Variants in LRRC37A2 observed in about 807,000 individuals in gnomAD.
LRRC37A2 encodes leucine rich repeat containing 37 member A2.
In LRRC37A2, 9 loss-of-function variants were observed where a neutral mutation model predicts 68.8. The observed-to-expected ratio is 0.13, with a 90% CI of 0.08 to 0.23. The LOEUF (loss-of-function observed/expected upper bound fraction) is 0.23, where lower values mean the gene tolerates loss of function less well. LRRC37A2 is among the 10% of genes least tolerant of loss of function. The probability of loss-of-function intolerance (pLI) is 1.00; values close to 1 mark genes in which losing one functional copy is unlikely to be tolerated. For synonymous variants in LRRC37A2, 63 were observed against 367.6 expected, an observed-to-expected ratio of 0.17 and a Z score of 9.48; for missense variants, 168 against 950.4, an observed-to-expected ratio of 0.18 and a Z score of 10.82.
At chr17:46,976,173 G>A in the LRRC37A2 span, among the ~76,000 whole-genome samples, 3 of 151,460 alleles carry the variant, frequency 2.0e-5, no homozygotes, top group Non-Finnish European at 2.9e-5. Flanking sequence ...TGATCTGCCC[G>A]CCTCGGCCTC....
chr17:46,818,806 C>G, the LRRC37A2 span: 1 of 624,778 alleles, frequency 1.6e-6, no homozygotes, highest in African/African-American at 1.8e-5. Flanking sequence ...CGCCCGCGGC[C>G]TAAGGTAAGA....
At chr17:46,744,370 A>G in the LRRC37A2 span, among the ~76,000 whole-genome samples, 1 of 152,232 alleles carries the variant, frequency 6.6e-6, no homozygotes, top group African/African-American at 2.4e-5. Flanking sequence ...TAAGCAGAAA[A>G]TAAAGTTTAA....
At chr17:46,462,731 A>G in the LRRC37A2 span, among the ~76,000 whole-genome samples, 1 of 96,936 alleles carries the variant, frequency 1.0e-5, no homozygotes, top group African/African-American at 3.5e-5. Flanking sequence ...ATAAAATGCA[A>G]TTCCTACCTC....
At chr17:46,728,975 T>G in the LRRC37A2 span, 1 of 1,224,534 alleles carries the variant, frequency 8.2e-7, no homozygotes, top group Non-Finnish European at 1.2e-6. Context: ...TAACAAAGAG[T>G]TTTTCAGTAA....
At chr17:46,490,403 A>T in the LRRC37A2 span, among the ~76,000 whole-genome samples, 19 of 151,164 alleles carry the variant, frequency 1.3e-4, no homozygotes, top group Non-Finnish European at 2.1e-4. Context: ...ACTTTCATAA[A>T]TAATGCTTCT....
chr17:46,539,768 C>CAAAAAAAAAAAAAAAA (rs1204528686), intron 6 of LRRC37A2, among the ~76,000 whole-genome samples: 1 of 67,026 alleles, frequency 1.5e-5, no homozygotes. Flanking sequence ...GACTCCATCT[C>CAAAAAAAAAAAAAAAA]AAAAAAAAAA....
the LRRC37A2 span, among the ~76,000 whole-genome samples, chr17:46,726,781 T>C: frequency 1.3e-5 from 2 of 152,220 alleles, no homozygotes; most frequent in East Asian, 3.8e-4. Context: ...CTGACATCAA[T>C]GATAGTATTC....
chr17:46,768,148 C>A, the LRRC37A2 span, among the ~76,000 whole-genome samples: 2 of 152,168 alleles, frequency 1.3e-5, no homozygotes, highest in Non-Finnish European at 2.9e-5. The surrounding 1 kb of genome is among the most constrained non-coding windows in gnomAD (Gnocchi z 5.0). Flanking sequence ...AGGACCATTC[C>A]CACGGATGCT....
the LRRC37A2 span, chr17:46,818,466 C>T: frequency 9.0e-6 from 14 of 1,556,534 alleles, no homozygotes; most frequent in Admixed American, 2.3e-4. Flanking sequence ...CCCCACCTTC[C>T]CCGGACGCGG....
chr17:46,839,824 G>A, the LRRC37A2 span, among the ~76,000 whole-genome samples: 1 of 152,070 alleles, frequency 6.6e-6, no homozygotes, highest in Non-Finnish European at 1.5e-5. Flanking sequence ...ATGGTTTCCA[G>A]CTTCATCCGT....
chr17:46,931,794 C>A, the LRRC37A2 span: 1 of 524,944 alleles, frequency 1.9e-6, no homozygotes, highest in African/African-American at 1.9e-5. Context: ...TGCTTCCTGT[C>A]CCCTGTTCTC....
At chr17:46,913,839 A>G in the LRRC37A2 span, among the ~76,000 whole-genome samples, 1 of 152,122 alleles carries the variant, frequency 6.6e-6, no homozygotes, top group Admixed American at 6.5e-5. Flanking sequence ...GGCTCACTGC[A>G]GCCTCTGCCT....
chr17:46,908,346 G>A, the LRRC37A2 span, among the ~76,000 whole-genome samples: 4 of 152,170 alleles, frequency 2.6e-5, no homozygotes, highest in African/African-American at 7.2e-5. Flanking sequence ...ATGCCTCAGG[G>A]TCCTGGGCGC....
chr17:47,035,533 G>A, the LRRC37A2 span, among the ~76,000 whole-genome samples: 1 of 152,210 alleles, frequency 6.6e-6, no homozygotes, highest in Non-Finnish European at 1.5e-5. Flanking sequence ...ATTGTATGGA[G>A]CCATCACTAT....
At chr17:46,853,976 T>C in the LRRC37A2 span, among the ~76,000 whole-genome samples, 1 of 151,674 alleles carries the variant, frequency 6.6e-6, no homozygotes, top group African/African-American at 2.4e-5. Context: ...AAATGACATG[T>C]GAGATGGTCA....
the LRRC37A2 span, among the ~76,000 whole-genome samples, chr17:46,850,275 C>T: frequency 1.3e-5 from 2 of 152,170 alleles, no homozygotes; most frequent in Non-Finnish European, 2.9e-5. Flanking sequence ...GCCATGTGGC[C>T]TCAATAAGTA....
chr17:46,780,750 C>G, the LRRC37A2 span, among the ~76,000 whole-genome samples: 1 of 151,614 alleles, frequency 6.6e-6, no homozygotes, highest in South Asian at 2.1e-4. Flanking sequence ...GCGCTCCAGC[C>G]TGGGTGACAG....
At chr17:46,998,866 C>G in the LRRC37A2 span, 1 of 152,224 alleles carries the variant, frequency 6.6e-6, no homozygotes, top group Non-Finnish European at 1.5e-5. Context: ...TCACTGGCCC[C>G]TCAATTCCTT....
At chr17:47,013,166 A>T in the LRRC37A2 span, among the ~76,000 whole-genome samples, 1 of 152,238 alleles carries the variant, frequency 6.6e-6, no homozygotes, top group African/African-American at 2.4e-5. Flanking sequence ...ATCCATAGAG[A>T]CAGAAAGTAG....
Sources: gnomAD v4.1 joint callset for allele counts (sites outside exome capture counted in the v4.1 genomes callset) on GRCh38, gnomAD v4.1.1 for gene constraint, Gnocchi (gnomAD v3.1) non-coding constraint, MANE v1.5 for transcripts, NCBI Gene and HGNC (gene_info 2026-07-23, HGNC 2026-07-21) for gene names.